EYS: variants seen among roughly 807,000 people sequenced by gnomAD.
EYS encodes the protein EGF-like photoreceptor maintenance factor.
EYS carries 250 observed loss-of-function variants against 282.1 expected under a neutral mutation model. The observed-to-expected ratio is 0.89, with a 90% confidence interval of 0.80 to 0.98. The LOEUF is 0.98. Among genes scored for constraint, EYS ranks in the 50% least tolerant of loss-of-function variants. The pLI is 0.00. For missense variants in EYS, 4,016 were observed against 3,709.0 expected (o/e 1.08, Z -2.15); for synonymous variants, 1,355 against 1,282.9 (o/e 1.06, Z -1.20).
At chr6:64,886,517 A>G (rs1416005086) in intron 19 of EYS, among the ~76,000 whole-genome samples, 180 bp downstream of exon 19, 3 of 152,062 alleles carry the variant, frequency 2.0e-5, no homozygotes, top group African/African-American at 7.2e-5. Flanking sequence ...TAATAAATTG[A>G]AGATAAAACA....
chr6:65,341,952 G>A (rs956452959), intron 10 of EYS, among the ~76,000 whole-genome samples: 2 of 151,122 alleles, frequency 1.3e-5, no homozygotes, highest in Non-Finnish European at 3.0e-5. Context: ...GAAAGGAAAC[G>A]ATTAACTGTG....
chr6:65,632,587 T>A (rs1766955200), intron 2 of EYS, among the ~76,000 whole-genome samples: 1 of 152,240 alleles, frequency 6.6e-6, no homozygotes, highest in African/African-American at 2.4e-5. Context: ...AGCATATCAA[T>A]TACTATCCTC....
chr6:65,121,079 C>A lies in EYS; in HGVS notation c.2024-63352G>T, dbSNP rs893325289. On this transcript the variant is annotated intron_variant, in intron 12 of 42. Transcript: ENST00000503581. ...GAGCATTTTGACTCTACTACTTTCTCAGAAGGGCCCTTCTTGTCATTCTTG... is the reference window on the plus strand; with the variant it reads ...GAGCATTTTGACTCTACTACTTTCTAAGAAGGGCCCTTCTTGTCATTCTTG... Among the ~76,000 whole-genome samples, 4 of 151,854 alleles carry A rather than the reference C, an allele frequency of 2.6e-5. No individual in the cohort carries two copies. The South Asian group carries it at 6.3e-4, about 24-fold the overall frequency.
chr6:63,783,975 A>G (rs1253692690), intron 39 of EYS, among the ~76,000 whole-genome samples: 1 of 152,172 alleles, frequency 6.6e-6, no homozygotes, highest in Non-Finnish European at 1.5e-5. Context: ...TCATTCAATC[A>G]CTGAAGACCT....
At chr6:64,092,818 A>G (rs1772421045) in intron 31 of EYS, among the ~76,000 whole-genome samples, 1 of 151,506 alleles carries the variant, frequency 6.6e-6, no homozygotes, top group African/African-American at 2.4e-5. Context: ...TTAGACATGA[A>G]GTCCTTGCCC....
At chr6:64,107,285 T>TTATATATATATATATATATATATTTA (rs1773054356) in intron 31 of EYS, among the ~76,000 whole-genome samples, 2 of 101,500 alleles carry the variant, frequency 2.0e-5, no homozygotes, top group African/African-American at 3.5e-5. Flanking sequence ...ATATATATAT[T>TTATATATATATATATATATATATTTA]TATATATATA....
intron 5 of EYS, among the ~76,000 whole-genome samples, chr6:65,481,306 ACATT>A (rs1036369653): frequency 6.6e-5 from 10 of 151,916 alleles, no homozygotes; most frequent in Non-Finnish European, 1.3e-4. Context: ...CAATAAAAAG[ACATT>A]CAAATTGGCA....
chr6:64,405,366 A>G (rs919833486), intron 28 of EYS, among the ~76,000 whole-genome samples: 2 of 152,186 alleles, frequency 1.3e-5, no homozygotes, highest in African/African-American at 2.4e-5. Context: ...ACCCACAGCC[A>G]ATATCATACT....
chr6:65,634,208 T>G (rs1375088621), intron 2 of EYS, among the ~76,000 whole-genome samples: 1 of 152,172 alleles, frequency 6.6e-6, no homozygotes, highest in Non-Finnish European at 1.5e-5. Flanking sequence ...TGAGGACGGA[T>G]AGAAAGAAAA....
chr6:64,977,680 A>C (rs1024152061), intron 14 of EYS, among the ~76,000 whole-genome samples: 3 of 151,832 alleles, frequency 2.0e-5, no homozygotes, highest in East Asian at 1.9e-4. Context: ...AAAAAAAAAA[A>C]AAAACTTGAA....
chr6:64,927,074 A>G (rs1389842048), intron 15 of EYS, among the ~76,000 whole-genome samples: 1 of 152,250 alleles, frequency 6.6e-6, no homozygotes, highest in Non-Finnish European at 1.5e-5. Context: ...CAATAGGTAT[A>G]GAAATGTTCA....
intron 19 of EYS, among the ~76,000 whole-genome samples, chr6:64,852,081 A>G (rs1241442203): frequency 6.6e-6 from 1 of 152,140 alleles, no homozygotes; most frequent in Non-Finnish European, 1.5e-5. Context: ...AGTGGGTTGA[A>G]TAGTGTCCTC....
At chr6:64,501,827 T>C (rs1381661899) in intron 26 of EYS, among the ~76,000 whole-genome samples, 1 of 152,096 alleles carries the variant, frequency 6.6e-6, no homozygotes, top group Non-Finnish European at 1.5e-5. Context: ...CATAAATGGA[T>C]AAGAAAGCAA....
intron 35 of EYS, among the ~76,000 whole-genome samples, chr6:63,949,826 G>C: frequency 6.6e-6 from 1 of 152,124 alleles, no homozygotes; most frequent in Non-Finnish European, 1.5e-5. Context: ...TTTGCCTTAG[G>C]TAGGTTCATT....
intron 22 of EYS, among the ~76,000 whole-genome samples, chr6:64,749,108 G>C (rs956764827): frequency 6.6e-6 from 1 of 152,114 alleles, no homozygotes; most frequent in Non-Finnish European, 1.5e-5. Flanking sequence ...CAAAGATTCA[G>C]GTTTGGAACC....
chr6:64,151,230 T>C, intron 31 of EYS, among the ~76,000 whole-genome samples: 1 of 148,630 alleles, frequency 6.7e-6, no homozygotes, highest in African/African-American at 2.5e-5. Context: ...TTAAAGAATG[T>C]TTGTTAAAGT....
intron 29 of EYS, among the ~76,000 whole-genome samples, chr6:64,342,029 A>G (rs906540299): frequency 7.9e-5 from 12 of 151,654 alleles, no homozygotes; most frequent in Non-Finnish European, 1.6e-4. Flanking sequence ...TGGAGGTCAC[A>G]ATAGAAACTA....
intron 12 of EYS, among the ~76,000 whole-genome samples, chr6:65,284,379 TGCAGG>T (rs2150277923): frequency 6.6e-6 from 1 of 152,290 alleles, no homozygotes; most frequent in South Asian, 2.1e-4. Flanking sequence ...ACTTTTTTTT[TGCAGG>T]TGATTTTTAA....
At chr6:64,423,876 G>A (rs994385410) in intron 28 of EYS, among the ~76,000 whole-genome samples, 4 of 152,124 alleles carry the variant, frequency 2.6e-5, no homozygotes, top group Admixed American at 2.6e-4. Context: ...AATTCTGAAT[G>A]GGTCACGTTA....
Sources: allele counts gnomAD v4.1 joint callset (sites outside exome capture counted in the v4.1 genomes callset), GRCh38; gene constraint gnomAD v4.1.1; transcripts MANE v1.5; gene names NCBI Gene and HGNC (gene_info 2026-07-23, HGNC 2026-07-21).